Variants in TBCD observed in about 807,000 individuals in gnomAD.
TBCD encodes the protein tubulin folding cofactor D.
Under a neutral mutation model 169.3 loss-of-function variants are expected in TBCD, and 105 were observed. That is an observed-to-expected ratio of 0.62 (90% CI 0.53 to 0.73). The LOEUF (loss-of-function observed/expected upper bound fraction) is 0.73, where lower values mean the gene tolerates loss of function less well. Ranked by LOEUF, TBCD falls within the 30% of genes least tolerant of loss-of-function variation. The probability of loss-of-function intolerance (pLI) is 0.00; values close to 1 mark genes in which losing one functional copy is unlikely to be tolerated. For missense variants in TBCD, 1,444 were observed against 1,600.1 expected (o/e 0.90, Z 1.66); for synonymous variants, 700 against 643.9 (o/e 1.09, Z -1.32).
chr17:82,937,769 C>G (rs1485142689), intron 35 of TBCD: 8 of 1,146,678 alleles, frequency 7.0e-6, no homozygotes, highest in Non-Finnish European at 7.2e-6. Context: ...CTCTGTGGCT[C>G]CTTGAGGTGG....
Position 82,900,698 on chromosome 17 carries a change from A to G in TBCD, c.1697A>G (p.His566Arg). 6.2e-7 allele frequency: 1 copy of G among 1,613,838 alleles called. No individual in the cohort carries two copies. The highest frequency in any genetic ancestry group is 8.5e-7 in the Non-Finnish European group (1 of 1,179,856). Residue 566 changes from histidine (H) to arginine (R), a missense_variant, in exon 18 of 39, where the codon CAC becomes CGC. Coordinates refer to ENST00000355528, the MANE Select transcript of TBCD (RefSeq NM_005993.5). ...GAGTACACGCAGCCAATGATAGACCACCTGGTTACCATGAAGATCAGCCAC... is the reference window on the plus strand; with the variant it reads ...GAGTACACGCAGCCAATGATAGACCGCCTGGTTACCATGAAGATCAGCCAC... ...FPEYTQPMID[H>R]LVTMKISHWD...
At chr17:82,792,385 A>G (rs568253046) in intron 7 of TBCD, among the ~76,000 whole-genome samples, 130 of 152,000 alleles carry the variant, frequency 8.6e-4, no homozygotes, top group Middle Eastern at 3.4e-3. Flanking sequence ...ATATGTGTAT[A>G]TATATGTATA....
chr17:82,933,669 G>A (rs2062396777), intron 34 of TBCD, among the ~76,000 whole-genome samples: 1 of 152,116 alleles, frequency 6.6e-6, no homozygotes, highest in African/African-American at 2.4e-5. Context: ...CCAGGGTGTA[G>A]TGCAGTGGCT....
intron 38 of TBCD, 83 bp from the exon 39 acceptor site, chr17:82,942,366 G>A (rs994862556): frequency 1.8e-5 from 29 of 1,589,308 alleles, no homozygotes; most frequent in African/African-American, 1.3e-5. Flanking sequence ...CCCCACACAG[G>A]GCCCAGAGGG....
At chr17:82,925,703 C>T (rs546250052) in intron 27 of TBCD, among the ~76,000 whole-genome samples, 29 of 152,308 alleles carry the variant, frequency 1.9e-4, no homozygotes, top group African/African-American at 5.5e-4. Context: ...AGCCGCCATG[C>T]CATCTAAAAC....
chr17:82,823,385 G>A (rs1255755458), intron 13 of TBCD, among the ~76,000 whole-genome samples: 1 of 152,250 alleles, frequency 6.6e-6, no homozygotes, highest in African/African-American at 2.4e-5. Flanking sequence ...AATCTTGGTA[G>A]GCTTTTAAGC....
chr17:82,909,513 C>G (rs1426853221), intron 22 of TBCD, among the ~76,000 whole-genome samples: 2 of 135,412 alleles, frequency 1.5e-5, no homozygotes, highest in African/African-American at 5.6e-5. Context: ...ACCTGGCCCA[C>G]TGTGGGAGGT....
intron 2 of TBCD, among the ~76,000 whole-genome samples, chr17:82,760,615 CAT>C (rs1283641347): frequency 6.6e-6 from 1 of 152,188 alleles, no homozygotes; most frequent in African/African-American, 2.4e-5. Context: ...TATGTGTAAA[CAT>C]ACATTTCTTA....
intron 20 of TBCD, 84 bp downstream of exon 20, chr17:82,906,137 C>G: frequency 9.6e-7 from 1 of 1,040,888 alleles, no homozygotes; most frequent in Non-Finnish European, 1.4e-6. Flanking sequence ...CAGTTCGAGA[C>G]TCTCTCATCC....
intron 14 of TBCD, among the ~76,000 whole-genome samples, chr17:82,871,276 G>A (rs76046987): frequency 2.0e-5 from 3 of 152,290 alleles, no homozygotes; most frequent in Non-Finnish European, 4.4e-5. Context: ...CAATTCAACC[G>A]TGTGCGCTGG....
chr17:82,835,802 A>G lies in TBCD; in HGVS notation c.1318+20868A>G, dbSNP rs2053921418. 6.6e-6 allele frequency among the ~76,000 whole-genome samples: 1 copy of G among 152,202 alleles called. No individual in the cohort carries two copies. The highest frequency in any genetic ancestry group is 1.5e-5 in the Non-Finnish European group (1 of 68,042). ...TCTATTAACATACTTTAAGTTCTTT[A>G]AGACATTTATTTACTAAGAAGTGGT... On this transcript the variant is annotated intron_variant, in intron 13 of 38. Transcript: ENST00000355528. The surrounding 1 kb of genome is among the most constrained non-coding windows in gnomAD (Gnocchi z 4.5).
At chr17:82,795,879 G>A (rs1349730501) in intron 7 of TBCD, 1 of 152,444 alleles carries the variant, frequency 6.6e-6, no homozygotes, top group African/African-American at 2.4e-5. Context: ...CTCAAGGGGA[G>A]GTGTCTGGAG....
chr17:82,807,707 G>A lies in TBCD; in HGVS notation c.1148+39G>A. 4 of 1,412,488 alleles carry A rather than the reference G, an allele frequency of 2.8e-6. No homozygotes were observed. In the South Asian group the frequency reaches 4.8e-5, roughly 17 times the overall value. The allele number at this position is 1,412,488 out of a possible 1,614,324, so 87.5% of individuals were successfully genotyped here. ...GCCGCAGAAGCACCCCGGGGGGTGG[G>A]CCGGCCTCTCCTGTGCGATTCAGCA... On this transcript the variant is annotated intron_variant, in intron 11 of 38. Coordinates refer to ENST00000355528, the MANE Select transcript of TBCD (RefSeq NM_005993.5).
chr17:82,774,302 A>G (rs1434977912), intron 6 of TBCD, among the ~76,000 whole-genome samples: 2 of 152,138 alleles, frequency 1.3e-5, no homozygotes, highest in African/African-American at 4.8e-5. Flanking sequence ...CACATCTTGC[A>G]CCGCCCTTAA....
At chr17:82,882,525 G>A (rs1228017610) in intron 14 of TBCD, among the ~76,000 whole-genome samples, 1 of 152,244 alleles carries the variant, frequency 6.6e-6, no homozygotes, top group African/African-American at 2.4e-5. Flanking sequence ...CCATGCCCTG[G>A]GGACTCATGG....
chr17:82,921,691 A>G (rs1255353415), intron 25 of TBCD, 114 bp downstream of exon 25: 4 of 905,074 alleles, frequency 4.4e-6, no homozygotes, highest in South Asian at 2.8e-5. Flanking sequence ...CAGTAGCCTG[A>G]TAACTGACAA....
chr17:82,843,807 G>A (rs924988741), intron 13 of TBCD, among the ~76,000 whole-genome samples: 3 of 152,100 alleles, frequency 2.0e-5, no homozygotes, highest in Non-Finnish European at 4.4e-5. Context: ...TGACAAATGT[G>A]TTCTCCCATT....
rs923933275 is a variant in TBCD at position 82,880,778 on chromosome 17, G to T, written c.1476-3367G>T. Among the ~76,000 whole-genome samples, 3 of 152,238 alleles carry T rather than the reference G, an allele frequency of 2.0e-5. No homozygotes were observed. The highest frequency in any genetic ancestry group is 4.4e-5 in the Non-Finnish European group (3 of 68,034). ...AGGGGCTGGGCGGGGAGGACGCAGG[G>T]TCTGTCGGAGCATAGCAGTGGCCCG... is the stretch of plus-strand genomic sequence containing the variant. On this transcript the variant is annotated intron_variant, in intron 14 of 38. Coordinates refer to ENST00000355528, the MANE Select transcript of TBCD (RefSeq NM_005993.5). This position sits in a 1 kb window ranked among gnomAD's most constrained non-coding sequence, Gnocchi z 5.0.
In TBCD at chr17:82,845,437, G is replaced by A. The variant is rs576962879; in HGVS notation, c.1319-24787G>A. ...CTTCCTCTCCATCTTGTCCGGCCCG[G>A]CCCCTTCCTCTCCATCTCGTCTGGC... On this transcript the variant is annotated intron_variant, in intron 13 of 38. Coordinates refer to ENST00000355528, the MANE Select transcript of TBCD (RefSeq NM_005993.5). Among the ~76,000 whole-genome samples the A allele has an allele frequency of 8.3e-5, 12 of 144,758 alleles. No individual in the cohort carries two copies. The East Asian group carries it at 2.5e-3, about 30-fold the overall frequency. The allele number at this position is 144,758 out of a possible 152,430, so 95.0% of individuals were successfully genotyped here.
Sources: gnomAD v4.1 joint callset for allele counts (sites outside exome capture counted in the v4.1 genomes callset) on GRCh38, gnomAD v4.1.1 for gene constraint, Gnocchi (gnomAD v3.1) non-coding constraint, MANE v1.5 for transcripts, NCBI Gene and HGNC (gene_info 2026-07-23, HGNC 2026-07-21) for gene names.